LILRB2: variants seen among roughly 807,000 people sequenced by gnomAD.
LILRB2 encodes leukocyte immunoglobulin-like receptor subfamily B member 2.
LILRB2 carries 47 observed loss-of-function variants against 72.7 expected under a neutral mutation model. That is an observed-to-expected ratio of 0.65 (90% CI 0.51 to 0.82). LILRB2 has a LOEUF of 0.82. Among genes scored for constraint, LILRB2 ranks in the 40% least tolerant of loss-of-function variants. LILRB2 has a pLI of 0.00. For missense variants in LILRB2, 767 were observed against 764.8 expected (o/e 1.00, Z -0.03); for synonymous variants, 279 against 313.7 (o/e 0.89, Z 1.17).
chr19:54,279,650 A>G lies in LILRB2; in HGVS notation c.356-3T>C, dbSNP rs750396314. On this transcript the variant is annotated splice_region_variant and splice_polypyrimidine_tract_variant and intron_variant, in intron 4 of 13. Coordinates refer to ENST00000314446, the MANE Select transcript of LILRB2 (RefSeq NM_001080978.4). Reference sequence around the variant, plus strand: ...GAGGGTGGGTTTTGGGTAGGCTCCTAGGAGAGAAGGAGGCATCGTGTTAAA... The same window carrying G: ...GAGGGTGGGTTTTGGGTAGGCTCCTGGGAGAGAAGGAGGCATCGTGTTAAA... The G allele has an allele frequency of 1.1e-5, 17 of 1,603,562 alleles. No homozygotes were observed.
rs768568422 is a variant in LILRB2, at chr19:54,276,021, G to A, written c.1595-18C>T. On this transcript the variant is annotated intron_variant, in intron 12 of 13. Coordinates refer to ENST00000314446, the MANE Select transcript of LILRB2 (RefSeq NM_001080978.4). ...GGCAGCATCTGCTGGGGCAGAGCAA[G>A]GGGTTCGTCTCTTGGGAAGGTTCCC... The A allele has an allele frequency of 6.2e-7, 1 of 1,613,372 alleles. No homozygotes were observed. The highest frequency in any genetic ancestry group is 2.2e-5 in the East Asian group (1 of 44,890).
chr19:54,278,823 A>T lies in LILRB2; in HGVS notation c.944T>A (p.Ile315Asn), dbSNP rs1384602915. ...ECSAPSDPLD[I>N]LITGQIRGTP... ...GCTGGGCTCCTCACCTGTGATCAGG[A>T]TGTCCAGGGGGTCGCTGGGGGCCGA... is the stretch of plus-strand genomic sequence containing the variant. Residue 315 changes from isoleucine (I) to asparagine (N), a missense_variant, in exon 6 of 14, where the codon ATC (isoleucine) becomes AAC (asparagine). Physicochemically the swap from Ile to Asn is moderately radical, Grantham distance 149 (BLOSUM62 -3). Around this residue, in one of 3 missense-constraint regions of LILRB2, gnomAD observed 599 missense variants for 568.2 expected, o/e 1.05. Coordinates refer to ENST00000314446, the MANE Select transcript of LILRB2 (RefSeq NM_001080978.4). 2.5e-6 allele frequency: 4 copies of T among 1,612,442 alleles called. No individual in the cohort carries two copies. In the South Asian group the frequency reaches 3.3e-5, roughly 13 times the overall value.
intron 6 of LILRB2, 124 bp from the exon 7 acceptor site, chr19:54,278,686 T>A: frequency 7.5e-7 from 1 of 1,329,252 alleles, no homozygotes. Flanking sequence ...CCATCCCCTG[T>A]CTCTCTCTCT....
intron 5 of LILRB2, 32 bp downstream of exon 5, chr19:54,279,313 G>A: frequency 3.8e-6 from 6 of 1,592,682 alleles, no homozygotes; most frequent in Non-Finnish European, 5.1e-6. Flanking sequence ...GGGAGACTCA[G>A]GGAACTCCAG....
chr19:54,279,236 C>T lies in LILRB2; in HGVS notation c.658+109G>A, dbSNP rs370636246. 322 of 1,538,806 alleles carry T rather than the reference C, an allele frequency of 2.1e-4. 1 individual carries two copies. The South Asian group carries it at 3.7e-3, about 18-fold the overall frequency. ...TGGCCCCAGGACCCCTGAGCCCTCT[C>T]GCCCCAACATCATCCCACCTGGAAC... On this transcript the variant is annotated intron_variant, in intron 5 of 13. Transcript: ENST00000314446.
At chr19:54,280,150 C>T (rs770804803) in intron 3 of LILRB2, 75 bp from the exon 4 acceptor site, 209 of 1,608,556 alleles carry the variant, frequency 1.3e-4, no homozygotes, top group Non-Finnish European at 1.7e-4. Flanking sequence ...CAGGACCCTC[C>T]AGATGCCCCC....
rs370409653 is a variant in LILRB2, at chr19:54,279,522, C to T, written c.481G>A (p.Asp161Asn). The change falls in exon 5 of 14, where the codon GAT (aspartate) becomes AAT (asparagine). Residue 161 changes from aspartate (D) to asparagine (N), a missense_variant. Coordinates refer to ENST00000314446, the MANE Select transcript of LILRB2 (RefSeq NM_001080978.4). ...GGFILCKEGEDEHPQCLNSQP... is the reference protein window; with the variant it reads ...GGFILCKEGENEHPQCLNSQP... ...GAGTTCAGGCATTGTGGGTGTTCAT[C>T]TTCTCCTTCCTTACACAGAATGAAG... 7 of 1,614,058 alleles carry T rather than the reference C, an allele frequency of 4.3e-6. No homozygotes were observed. The highest frequency in any genetic ancestry group is 5.9e-6 in the Non-Finnish European group (7 of 1,180,040).
intron 13 of LILRB2, 107 bp downstream of exon 13, chr19:54,275,844 C>T: frequency 7.1e-7 from 1 of 1,406,484 alleles, no homozygotes; most frequent in South Asian, 1.2e-5. Context: ...AAGGAGGGGT[C>T]CACCGTGACG....
intron 10 of LILRB2, 53 bp downstream of exon 10, chr19:54,276,754 G>A (rs1427226131): frequency 5.7e-6 from 9 of 1,587,170 alleles, no homozygotes; most frequent in Non-Finnish European, 4.3e-6. Context: ...CTCTTTGGCT[G>A]TGCCCTGAGC....
Position 54,278,828 on chromosome 19 carries a change from C to T in LILRB2, c.939G>A (p.Leu313=). ...GCTCCTCACCTGTGATCAGGATGTC[C>T]AGGGGGTCGCTGGGGGCCGAGCACT... ...SSECSAPSDP[L]DILITGQIRG... The change falls in exon 6 of 14, where the codon CTG becomes CTA. Residue 313 remains leucine (L), a synonymous_variant. Transcript: ENST00000314446. The T allele has an allele frequency of 6.2e-7, 1 of 1,612,670 alleles. No individual in the cohort carries two copies. Among genetic ancestry groups the T allele is most frequent in the Non-Finnish European group, 8.5e-7 (1 of 1,179,732 alleles).
Position 54,279,893 on chromosome 19 carries a change from T to C in LILRB2, c.253A>G (p.Ile85Val), listed in dbSNP as rs138664742. The C allele has an allele frequency of 4.3e-6, 7 of 1,614,126 alleles. No homozygotes were observed. Among genetic ancestry groups the C allele is most frequent in the South Asian group, 1.1e-5 (1 of 91,082 alleles). The part of the protein sequence containing the change: ...PELVKNGQFH[I>V]PSITWEHTGR... The stretch of plus-strand genomic sequence containing the variant: ...GTGTGTTCCCAGGTGATGGATGGGA[T>C]GTGGAACTGGCCGTTCTTCACAAGC... Residue 85 changes from isoleucine (I) to valine (V), a missense_variant, in exon 4 of 14, where the codon ATC (isoleucine) becomes GTC (valine). Ile to Val is a conservative substitution (Grantham distance 29, BLOSUM62 3). Transcript: ENST00000314446.
At position 54,280,310 on chromosome 19, in the gene LILRB2, G is replaced by T; in HGVS notation, c.35-11C>A. ...GGCCCAGACTCAGCCCTGGAAGAGA[G>T]TTCCCTGTGAGGGATTTGCCCCCTG... On this transcript the variant is annotated splice_polypyrimidine_tract_variant and intron_variant, in intron 2 of 13. Coordinates refer to ENST00000314446, the MANE Select transcript of LILRB2 (RefSeq NM_001080978.4). 1 of 1,614,170 alleles carries T rather than the reference G, an allele frequency of 6.2e-7. No individual in the cohort carries two copies. Among genetic ancestry groups the T allele is most frequent in the Non-Finnish European group, 8.5e-7 (1 of 1,180,008 alleles).
At chr19:54,278,207 C>T (rs2080336120) in intron 7 of LILRB2, 53 bp downstream of exon 7, 1 of 1,603,534 alleles carries the variant, frequency 6.2e-7, no homozygotes, top group Admixed American at 1.7e-5. Flanking sequence ...TCCTGGGGGG[C>T]AGGGCCTGAG....
chr19:54,277,654 C>T, intron 8 of LILRB2, 57 bp from the exon 9 acceptor site: 1 of 1,533,756 alleles, frequency 6.5e-7, no homozygotes, highest in Non-Finnish European at 8.8e-7. Context: ...CCACATCAGC[C>T]CGGCTGCTCC....
In LILRB2 at chr19:54,279,597, A is replaced by AG; in HGVS notation, c.405dup (p.Ser136LeufsTer10). 6.2e-7 allele frequency: 1 copy of AG among 1,614,026 alleles called. No individual in the cohort carries two copies. The highest frequency in any genetic ancestry group is 2.2e-5 in the East Asian group (1 of 44,870). On this transcript the variant is annotated frameshift_variant, in exon 5 of 14. Transcript: ENST00000314446. LOFTEE classifies it high-confidence loss of function. ...CACTGGAGGGTCACCCTTCCTCCTG[A>AG]GGTCACCACAGGGCTGGGCTGGGCT... is the stretch of plus-strand genomic sequence containing the variant.
In LILRB2 at chr19:54,278,305, A is replaced by G. The variant is rs149913591; in HGVS notation, c.1213T>C (p.Tyr405His). The part of the protein sequence containing the change: ...RCYGSLNSDP[Y>H]LLSHPSEPLE... ...GGCTCACTGGGGTGAGACAGCAGGT[A>G]GGGGTCGGAGTTGAGTGAGCCGTAG... The change falls in exon 7 of 14, where the codon TAC (tyrosine) becomes CAC (histidine). Residue 405 changes from tyrosine (Y) to histidine (H), a missense_variant. Coordinates refer to ENST00000314446, the MANE Select transcript of LILRB2 (RefSeq NM_001080978.4). The G allele has an allele frequency of 8.0e-4, 1,291 of 1,614,010 alleles. 7 individuals carry two copies. Among genetic ancestry groups the G allele is most frequent in the East Asian group, 6.2e-3 (278 of 44,864 alleles).
In LILRB2 at chr19:54,279,581, G is replaced by T; in HGVS notation, c.422C>A (p.Thr141Asn). The change falls in exon 5 of 14, where the codon ACC becomes AAC. Residue 141 changes from threonine to asparagine, a missense_variant. Around this residue, in one of 3 missense-constraint regions of LILRB2, gnomAD observed 599 missense variants for 568.2 expected, o/e 1.05. Transcript: ENST00000314446. ...TGCCACCTGTGACTCACACTGGAGG[G>T]TCACCCTTCCTCCTGAGGTCACCAC... The part of the protein sequence containing the change: ...SPVVTSGGRV[T>N]LQCESQVAFG... 6.2e-7 allele frequency: 1 copy of T among 1,614,164 alleles called. No individual in the cohort carries two copies. The highest frequency in any genetic ancestry group is 8.5e-7 in the Non-Finnish European group (1 of 1,180,004).
chr19:54,275,111 C>T (rs1013796932), intron 13 of LILRB2: 450 of 1,569,990 alleles, frequency 2.9e-4, no homozygotes, highest in Non-Finnish European at 3.7e-4. Flanking sequence ...TCCCCCTGAC[C>T]TCCTGGAGTC....
At position 54,274,837 on chromosome 19, in the gene LILRB2, G is replaced by A. The variant is rs202226721; in HGVS notation, c.1648-8C>T. On this transcript the variant is annotated splice_region_variant and splice_polypyrimidine_tract_variant and intron_variant, in intron 13 of 13. Transcript: ENST00000314446. ...GGCTTCAGATGCAGCAGCCTGCAGC[G>A]GGGGAGAGTGAGAGGTAAGGAACGT... 1.3e-5 allele frequency: 21 copies of A among 1,612,608 alleles called. No individual in the cohort carries two copies. Among genetic ancestry groups the A allele is most frequent in the South Asian group, 4.4e-5 (4 of 90,920 alleles).
Sources: allele counts gnomAD v4.1 joint callset, GRCh38; gene constraint gnomAD v4.1.1; regional missense constraint gnomAD v4.1.1; transcripts MANE v1.5; gene names NCBI Gene and HGNC (gene_info 2026-07-23, HGNC 2026-07-21).